Variants in KCNIP4 observed in about 807,000 individuals in gnomAD.
The protein encoded by KCNIP4 is potassium voltage-gated channel interacting protein 4, also known as Kv channel-interacting protein 4.
Under a neutral mutation model 34.0 loss-of-function variants are expected in KCNIP4, and 12 were observed. That is an observed-to-expected ratio of 0.35 (90% confidence interval 0.23 to 0.57). KCNIP4 has a LOEUF of 0.57. KCNIP4 is among the 20% of genes least tolerant of loss of function. KCNIP4 has a pLI of 0.83. For synonymous variants in KCNIP4, 124 were observed against 102.2 expected (o/e 1.21, Z -1.29); for missense variants, 238 against 311.7 (o/e 0.76, Z 1.78).
At chr4:20,765,732 C>T (rs1019838005) in intron 3 of KCNIP4, among the ~76,000 whole-genome samples, 11 of 152,136 alleles carry the variant, frequency 7.2e-5, no homozygotes, top group Non-Finnish European at 1.6e-4. Flanking sequence ...GCCTGTGAAA[C>T]CCTTCACTGT....
At chr4:21,354,904 C>T (rs892916521) in intron 1 of KCNIP4, among the ~76,000 whole-genome samples, 10 of 152,124 alleles carry the variant, frequency 6.6e-5, no homozygotes, top group Non-Finnish European at 1.5e-4. Flanking sequence ...GCAAGTAAAG[C>T]ACTCCTCAGC....
At chr4:21,165,264 C>T (rs1202728624) in intron 1 of KCNIP4, among the ~76,000 whole-genome samples, 2 of 4,406 alleles carry the variant, frequency 4.5e-4, no homozygotes, top group Admixed American at 4.1e-3. Flanking sequence ...GTGGTGGGGT[C>T]GGGGGAGGGG....
intron 3 of KCNIP4, among the ~76,000 whole-genome samples, chr4:20,799,348 G>T (rs1713915382): frequency 6.6e-6 from 1 of 152,152 alleles, no homozygotes; most frequent in Non-Finnish European, 1.5e-5. Flanking sequence ...CTAGTTGTTT[G>T]CCCCAGCATC....
At chr4:20,874,464 T>G (rs1373654669) in intron 2 of KCNIP4, among the ~76,000 whole-genome samples, 4 of 152,168 alleles carry the variant, frequency 2.6e-5, no homozygotes. Flanking sequence ...GCTTTTCAAA[T>G]AGTGTTCCAT....
At chr4:21,584,507 A>C (rs1413923867) in intron 1 of KCNIP4, among the ~76,000 whole-genome samples, 2 of 152,178 alleles carry the variant, frequency 1.3e-5, no homozygotes, top group East Asian at 3.9e-4. Context: ...GAATATAATT[A>C]AGTGAAAATT....
intron 1 of KCNIP4, among the ~76,000 whole-genome samples, chr4:21,630,062 CTA>C (rs1446817806): frequency 2.0e-5 from 3 of 148,162 alleles, no homozygotes; most frequent in African/African-American, 7.5e-5. Context: ...CGAGGTCTAG[CTA>C]TGTTTCCCAG....
chr4:20,988,484 G>A (rs977921075), intron 1 of KCNIP4, among the ~76,000 whole-genome samples: 7 of 151,836 alleles, frequency 4.6e-5, no homozygotes, highest in African/African-American at 1.7e-4. Context: ...GTTTTTTATA[G>A]CTTCAGTTTG....
At chr4:20,809,873 T>G (rs897973399) in intron 3 of KCNIP4, among the ~76,000 whole-genome samples, 1 of 152,198 alleles carries the variant, frequency 6.6e-6, no homozygotes, top group East Asian at 1.9e-4. Flanking sequence ...CTCCTCAGCA[T>G]GTTGAAACTC....
intron 1 of KCNIP4, among the ~76,000 whole-genome samples, chr4:21,342,965 C>T (rs1716908748): frequency 2.0e-5 from 3 of 152,040 alleles, no homozygotes; most frequent in African/African-American, 7.2e-5. Flanking sequence ...GAATAAAAAA[C>T]TGTTCATTTT....
intron 3 of KCNIP4, among the ~76,000 whole-genome samples, chr4:20,835,597 C>A (rs1718945324): frequency 6.6e-6 from 1 of 152,058 alleles, no homozygotes; most frequent in Non-Finnish European, 1.5e-5. Context: ...ATCATCAATT[C>A]CCATGGCCTT....
chr4:20,916,090 A>G (rs971144338), intron 1 of KCNIP4, among the ~76,000 whole-genome samples: 2 of 152,182 alleles, frequency 1.3e-5, no homozygotes, highest in Non-Finnish European at 2.9e-5. Flanking sequence ...AGAAAAAAAA[A>G]TGAATTAGTT....
chr4:21,015,132 A>G (rs1438141834), intron 1 of KCNIP4, among the ~76,000 whole-genome samples: 1 of 152,000 alleles, frequency 6.6e-6, no homozygotes, highest in Admixed American at 6.6e-5. Context: ...CTGCGGAGAG[A>G]AGAATAGAGA....
chr4:21,033,820 C>A (rs189339243), intron 1 of KCNIP4, among the ~76,000 whole-genome samples: 1 of 152,172 alleles, frequency 6.6e-6, no homozygotes, highest in African/African-American at 2.4e-5. Flanking sequence ...CTATTTCCAG[C>A]AACAAACTTT....
chr4:21,312,829 A>G (rs1713331730), intron 1 of KCNIP4, among the ~76,000 whole-genome samples: 1 of 152,180 alleles, frequency 6.6e-6, no homozygotes. Flanking sequence ...CCTAGCTCCC[A>G]TCTTTGATCT....
At chr4:21,348,540 T>C (rs561671667) in intron 1 of KCNIP4, among the ~76,000 whole-genome samples, 5 of 152,054 alleles carry the variant, frequency 3.3e-5, no homozygotes, top group Non-Finnish European at 7.4e-5. Flanking sequence ...AACATAACAG[T>C]CTCCCCCTGA....
At chr4:21,109,105 TG>T (rs1310398237) in intron 1 of KCNIP4, among the ~76,000 whole-genome samples, 4 of 152,070 alleles carry the variant, frequency 2.6e-5, no homozygotes, top group African/African-American at 9.7e-5. Flanking sequence ...AGCTGCGTGC[TG>T]GGAGAACCAC....
intron 1 of KCNIP4, among the ~76,000 whole-genome samples, chr4:21,913,027 C>A (rs1156680393): frequency 6.6e-6 from 1 of 152,078 alleles, no homozygotes; most frequent in African/African-American, 2.4e-5. Context: ...ACCATCTACT[C>A]ATTTAGCAAA....
chr4:21,021,859 C>CGTATA (rs148164124), intron 1 of KCNIP4, among the ~76,000 whole-genome samples: 42,133 of 145,696 alleles, frequency 0.29, 6,126 homozygotes, highest in Middle Eastern at 0.34. Flanking sequence ...AGTATAGTAT[C>CGTATA]GTATAGTATA....
intron 2 of KCNIP4, among the ~76,000 whole-genome samples, chr4:20,875,931 AAC>A (rs1468668864): frequency 6.6e-6 from 1 of 152,200 alleles, no homozygotes; most frequent in African/African-American, 2.4e-5. Flanking sequence ...AAAAACCTGA[AAC>A]ACAGTTAGGA....
Sources: gnomAD v4.1 joint callset for allele counts (sites outside exome capture counted in the v4.1 genomes callset) on GRCh38, gnomAD v4.1.1 for gene constraint, MANE v1.5 for transcripts, NCBI Gene and HGNC (gene_info 2026-07-23, HGNC 2026-07-21) for gene names.